The following SNX27 variants were observed in gnomAD, a reference collection of about 807,000 sequenced individuals.
The protein encoded by SNX27 is sorting nexin-27.
In SNX27, 22 loss-of-function variants were observed where a neutral mutation model predicts 71.6. The observed-to-expected ratio is 0.31, with a 90% CI of 0.22 to 0.44. The LOEUF is 0.44. SNX27 is among the 20% of genes least tolerant of loss of function. The pLI is 1.00. For missense variants in SNX27, 531 were observed against 698.6 expected, an observed-to-expected ratio of 0.76 and a Z score of 2.70; for synonymous variants, 269 against 277.2, an observed-to-expected ratio of 0.97 and a Z score of 0.29.
chr1:151,624,569 C>T (rs1389467956), intron 1 of SNX27, among the ~76,000 whole-genome samples: 1 of 150,722 alleles, frequency 6.6e-6, no homozygotes, highest in African/African-American at 2.4e-5. Flanking sequence ...GTAGCAGGGA[C>T]TATAGGCACC....
chr1:151,620,589 A>T (rs1667625171), intron 1 of SNX27, among the ~76,000 whole-genome samples: 1 of 151,914 alleles, frequency 6.6e-6, no homozygotes, highest in African/African-American at 2.4e-5. Flanking sequence ...AAATGACTAT[A>T]CTTACTATTG....
Position 151,647,439 on chromosome 1 carries a change from C to G in SNX27, c.543+8320C>G, listed in dbSNP as rs4043650. On this transcript the variant is annotated intron_variant, in intron 2 of 11. Transcript: ENST00000458013. ...TGCTGGGATTACAGGCATGGGCCAC[C>G]GTGCCCAGCCTATTACATGTTTTAA... Among the ~76,000 whole-genome samples, 67 of 139,672 alleles carry G rather than the reference C, an allele frequency of 4.8e-4. No individual in the cohort carries two copies. In the South Asian group the frequency reaches 0.012, roughly 25 times the overall value. 91.6% of individuals were successfully genotyped at this position (139,672 alleles called of 152,430 possible). A position where few individuals can be genotyped will look rare whatever the true frequency, so the allele number is the denominator to read the frequency against.
intron 6 of SNX27, among the ~76,000 whole-genome samples, chr1:151,668,130 A>G (rs776419092): frequency 1.1e-4 from 16 of 152,306 alleles, no homozygotes; most frequent in African/African-American, 2.6e-4. Flanking sequence ...TCTTCCACCT[A>G]TGGTGTGTGT....
chr1:151,649,600 C>T (rs535730163), intron 2 of SNX27, among the ~76,000 whole-genome samples: 1 of 152,300 alleles, frequency 6.6e-6, no homozygotes, highest in South Asian at 2.1e-4. Context: ...AACAAAATCA[C>T]TCCAGTCTTC....
At chr1:151,624,541 C>T (rs1399207483) in intron 1 of SNX27, among the ~76,000 whole-genome samples, 1 of 150,150 alleles carries the variant, frequency 6.7e-6, no homozygotes, top group Non-Finnish European at 1.5e-5. Context: ...AAGCAATTCT[C>T]TGGTCTCAGC....
chr1:151,619,626 A>T (rs75063468), intron 1 of SNX27, among the ~76,000 whole-genome samples: 1 of 151,934 alleles, frequency 6.6e-6, no homozygotes, highest in Non-Finnish European at 1.5e-5. Flanking sequence ...TAGTTTGTTC[A>T]TATTTTGAGT....
intron 2 of SNX27, 89 bp downstream of exon 2, chr1:151,639,208 G>T: frequency 8.6e-7 from 1 of 1,162,052 alleles, no homozygotes. Context: ...GTAGATAAAA[G>T]GCTGCAACCT....
At chr1:151,651,323 G>A (rs1376218696) in intron 2 of SNX27, among the ~76,000 whole-genome samples, 12 of 150,438 alleles carry the variant, frequency 8.0e-5, no homozygotes, top group African/African-American at 2.7e-4. Context: ...CTGGCGGGGC[G>A]GGGGGCTGAC....
intron 2 of SNX27, among the ~76,000 whole-genome samples, chr1:151,649,644 G>A (rs12130368): frequency 0.11 from 17,254 of 152,146 alleles, 1,178 homozygotes; most frequent in East Asian, 0.17. Flanking sequence ...AAGCCTGCTT[G>A]TTTTATTTTT....
At chr1:151,682,916 T>A (rs531171528) in intron 7 of SNX27, among the ~76,000 whole-genome samples, 1 of 152,242 alleles carries the variant, frequency 6.6e-6, no homozygotes, top group Non-Finnish European at 1.5e-5. Context: ...ATGCCTGTAG[T>A]CCCAGCTACT....
In SNX27 at chr1:151,692,492, G is replaced by A. The variant is rs752761003; in HGVS notation, c.1297G>A (p.Ala433Thr). 3 of 1,537,710 alleles carry A rather than the reference G, an allele frequency of 2.0e-6. No homozygotes were observed. Among genetic ancestry groups the A allele is most frequent in the Non-Finnish European group, 1.8e-6 (2 of 1,138,004 alleles). Residue 433 changes from alanine to threonine, a missense_variant, in exon 9 of 12, where the codon GCC (alanine) becomes ACC (threonine). Coordinates refer to ENST00000458013, the MANE Select transcript of SNX27 (RefSeq NM_001330723.2). ...GYNEIIFPHC[A>T]CDSRRKGHVI... ...CAATGAAATCATCTTTCCCCACTGT[G>A]CCTGTGACTCCAGGAGGAAGGGGCA...
Position 151,692,517 on chromosome 1 carries a change from A to T in SNX27, c.1322A>T (p.His441Leu), listed in dbSNP as rs1026271701. ...HCACDSRRKG[H>L]VITAISITHF... is the part of the protein sequence containing the mutation. ...GCCTGTGACTCCAGGAGGAAGGGGC[A>T]CGTTATCACAGCCATCAGCATCACG... The change falls in exon 9 of 12, where the codon CAC becomes CTC. Residue 441 changes from histidine (H) to leucine (L), a missense_variant. His to Leu is a moderately conservative substitution (Grantham distance 99). Transcript: ENST00000458013. The T allele has an allele frequency of 5.0e-6, 8 of 1,586,194 alleles. No homozygotes were observed. Among genetic ancestry groups the T allele is most frequent in the Non-Finnish European group, 6.9e-6 (8 of 1,164,988 alleles).
At position 151,624,909 on chromosome 1, in the gene SNX27, C is replaced by A. The variant is rs553017612; in HGVS notation, c.311+12397C>A. On this transcript the variant is annotated intron_variant, in intron 1 of 11. Coordinates refer to ENST00000458013, the MANE Select transcript of SNX27 (RefSeq NM_001330723.2). Reference sequence around the variant, plus strand: ...TGAGGAATCTGTAATTCTTTCTTCCCCAGTAATAAACTCTTGTTACTTCTG... The same window carrying A: ...TGAGGAATCTGTAATTCTTTCTTCCACAGTAATAAACTCTTGTTACTTCTG... Among the ~76,000 whole-genome samples, 4 of 152,106 alleles carry A rather than the reference C, an allele frequency of 2.6e-5. No homozygotes were observed. In the East Asian group the frequency reaches 7.8e-4, roughly 30 times the overall value.
intron 1 of SNX27, among the ~76,000 whole-genome samples, chr1:151,626,265 C>CT (rs201039962): frequency 0.023 from 3,371 of 146,616 alleles, 49 homozygotes; most frequent in Non-Finnish European, 0.03. Flanking sequence ...ATGTGATTAA[C>CT]TTTTTTTTTT....
At chr1:151,641,182 T>A (rs1668702347) in intron 2 of SNX27, among the ~76,000 whole-genome samples, 1 of 152,164 alleles carries the variant, frequency 6.6e-6, no homozygotes, top group Non-Finnish European at 1.5e-5. Context: ...AATGTACAGG[T>A]CTTTATGTAG....
chr1:151,651,221 G>A (rs1279811533), intron 2 of SNX27, among the ~76,000 whole-genome samples: 1 of 150,368 alleles, frequency 6.7e-6, no homozygotes, highest in South Asian at 2.1e-4. Context: ...GCGGCTGGCC[G>A]GGCGGGGGGC....
At chr1:151,664,975 T>C (rs190870014) in intron 5 of SNX27, among the ~76,000 whole-genome samples, 2 of 152,330 alleles carry the variant, frequency 1.3e-5, no homozygotes, top group African/African-American at 4.8e-5. Context: ...TTAGAATGCT[T>C]ATAATGTCCA....
intron 1 of SNX27, among the ~76,000 whole-genome samples, chr1:151,617,573 T>A (rs1458635535): frequency 2.6e-5 from 4 of 152,180 alleles, no homozygotes; most frequent in Non-Finnish European, 4.4e-5. Flanking sequence ...CATGAGCCAC[T>A]GCGCCCAGTC....
At chr1:151,693,729 T>A in intron 11 of SNX27, 1 of 1,589,556 alleles carries the variant, frequency 6.3e-7, no homozygotes, top group South Asian at 1.1e-5. Context: ...GGCTACAGGC[T>A]CTTCCATCTC....
Sources: gnomAD v4.1 joint callset for allele counts (sites outside exome capture counted in the v4.1 genomes callset) on GRCh38, gnomAD v4.1.1 for gene constraint, MANE v1.5 for transcripts, NCBI Gene and HGNC (gene_info 2026-07-23, HGNC 2026-07-21) for gene names.